LINGO1: variants seen among roughly 807,000 people sequenced by gnomAD.
LINGO1 encodes leucine rich repeat and Ig domain containing 1, also known as leucine-rich repeat and immunoglobulin-like domain-containing nogo receptor-interacting protein 1.
A neutral mutation model predicts 37.3 loss-of-function variants in LINGO1; 11 were observed. The ratio of observed to expected loss-of-function variants is 0.29; its 90% CI spans 0.19 to 0.49. The LOEUF (loss-of-function observed/expected upper bound fraction) is 0.49. LINGO1 is among the 20% of genes least tolerant of loss of function. The probability of loss-of-function intolerance (pLI) is 0.99; values close to 1 mark genes in which losing one functional copy is unlikely to be tolerated. For synonymous variants in LINGO1, 387 were observed against 403.0 expected, an observed-to-expected ratio of 0.96 and a Z score of 0.48; for missense variants, 585 against 878.2, an observed-to-expected ratio of 0.67 and a Z score of 4.22.
At chr15:77,778,921 C>A (rs1292083871) in intron 1 of LINGO1, among the ~76,000 whole-genome samples, 1 of 152,134 alleles carries the variant, frequency 6.6e-6, no homozygotes, top group African/African-American at 2.4e-5. Flanking sequence ...AAGTTCTGGA[C>A]CCATCTGCTC....
Position 77,679,601 on chromosome 15 carries a change from T to A in LINGO1, c.-98-2427A>T, listed in dbSNP as rs80033925. On this transcript the variant is annotated intron_variant, in intron 2 of 3. Coordinates refer to the LINGO1 transcript ENST00000559893. ...CATTTTACAGAAGAGAAAACTGACA[T>A]AGAGAGAGGCAACTAGCCCAAGGTC... 8.5e-4 allele frequency among the ~76,000 whole-genome samples: 129 copies of A among 152,264 alleles called. 2 individuals are homozygous for A. The East Asian group carries it at 0.02, about 24-fold the overall frequency.
At chr15:77,681,579 T>C (rs1162073439) in intron 2 of LINGO1, among the ~76,000 whole-genome samples, 1 of 152,234 alleles carries the variant, frequency 6.6e-6, no homozygotes, top group East Asian at 1.9e-4. Context: ...GAGGAGTCCC[T>C]GAATGCAACA....
upstream of LINGO1, among the ~76,000 whole-genome samples, chr15:77,636,148 G>C (rs1375409204): frequency 6.6e-6 from 1 of 152,252 alleles, no homozygotes; most frequent in Non-Finnish European, 1.5e-5. Context: ...TTAGAGCTGG[G>C]CTTTGAAGCT....
At chr15:77,663,270 G>A (rs910427777) in intron 3 of LINGO1, among the ~76,000 whole-genome samples, 2 of 150,998 alleles carry the variant, frequency 1.3e-5, no homozygotes, top group Non-Finnish European at 3.0e-5. Flanking sequence ...AGCGGCTTTG[G>A]TGTCTATCAG....
intron 2 of LINGO1, among the ~76,000 whole-genome samples, chr15:77,716,524 G>T (rs980577962): frequency 6.0e-5 from 9 of 149,584 alleles, no homozygotes; most frequent in African/African-American, 2.2e-4. Context: ...CGGAGTCCAA[G>T]ACACGTGCAG....
upstream of LINGO1, among the ~76,000 whole-genome samples, chr15:77,698,758 G>A (rs538905614): frequency 4.6e-5 from 7 of 152,346 alleles, no homozygotes; most frequent in East Asian, 1.4e-3. Flanking sequence ...AGGGCCATTA[G>A]GCCCAGCGGA....
At chr15:77,646,666 C>G (rs566830401) in intron 3 of LINGO1, among the ~76,000 whole-genome samples, 5 of 152,208 alleles carry the variant, frequency 3.3e-5, no homozygotes, top group African/African-American at 1.2e-4. Context: ...CCCAATTATT[C>G]GCTCATCTCC....
upstream of LINGO1, among the ~76,000 whole-genome samples, chr15:77,698,872 C>T (rs111572793): frequency 2.5e-3 from 383 of 152,256 alleles, 4 homozygotes; most frequent in African/African-American, 8.4e-3. Context: ...GGGAGACGTG[C>T]AGGCAGAGTC....
At chr15:77,659,472 T>A (rs2074940186) in intron 3 of LINGO1, among the ~76,000 whole-genome samples, 1 of 152,196 alleles carries the variant, frequency 6.6e-6, no homozygotes, top group African/African-American at 2.4e-5. Context: ...TCCCACTTTG[T>A]CACAGTGGAT....
At chr15:77,784,196 G>A (rs950397927) in intron 1 of LINGO1, among the ~76,000 whole-genome samples, 1 of 152,262 alleles carries the variant, frequency 6.6e-6, no homozygotes, top group South Asian at 2.1e-4. Flanking sequence ...GAGTTGGTTC[G>A]CATAGCAGAA....
chr15:77,792,336 G>C (rs1254208056), intron 2 of LINGO1, among the ~76,000 whole-genome samples: 1 of 152,156 alleles, frequency 6.6e-6, no homozygotes, highest in African/African-American at 2.4e-5. Context: ...ACTGATGCTG[G>C]GGTCTCCCAC....
At chr15:77,740,358 T>C (rs1040737271) in intron 1 of LINGO1, among the ~76,000 whole-genome samples, 15 of 152,264 alleles carry the variant, frequency 9.9e-5, no homozygotes, top group Non-Finnish European at 2.9e-5. Context: ...CCCAAATTAC[T>C]TACCTGGCAT....
chr15:77,714,374 A>G (rs1417500995), intron 2 of LINGO1, among the ~76,000 whole-genome samples: 2 of 152,022 alleles, frequency 1.3e-5, no homozygotes, highest in Non-Finnish European at 2.9e-5. Context: ...TCAGATTGTC[A>G]CCACCCTTGC....
chr15:77,646,454 C>T (rs1183160248), intron 3 of LINGO1: 1 of 455,934 alleles, frequency 2.2e-6, no homozygotes, highest in Non-Finnish European at 4.4e-6. Flanking sequence ...GGAGGAGACA[C>T]TGGTGTGACT....
chr15:77,639,854 T>G (rs961686145), intron 3 of LINGO1, among the ~76,000 whole-genome samples: 1 of 152,142 alleles, frequency 6.6e-6, no homozygotes, highest in African/African-American at 2.4e-5. Flanking sequence ...CTGTCACCTC[T>G]AGGGAGAGAG....
At chr15:77,738,576 G>A (rs529430857) in intron 1 of LINGO1, among the ~76,000 whole-genome samples, 5 of 152,088 alleles carry the variant, frequency 3.3e-5, no homozygotes, top group South Asian at 2.1e-4. Context: ...CATTTCCTCC[G>A]CCTGACATTA....
At chr15:77,644,734 C>T (rs546240684) in intron 3 of LINGO1, among the ~76,000 whole-genome samples, 1 of 152,302 alleles carries the variant, frequency 6.6e-6, no homozygotes, top group South Asian at 2.1e-4. Context: ...ACAGAAGTGG[C>T]TGCTGTGCCC....
intron 1 of LINGO1, among the ~76,000 whole-genome samples, chr15:77,758,811 G>A (rs550459880): frequency 1.3e-5 from 2 of 152,138 alleles, no homozygotes; most frequent in African/African-American, 4.8e-5. Context: ...TTGGCACAGA[G>A]GAAGAACTGT....
intron 1 of LINGO1, among the ~76,000 whole-genome samples, chr15:77,753,722 G>A (rs915256546): frequency 1.4e-4 from 22 of 152,236 alleles, no homozygotes; most frequent in African/African-American, 5.3e-4. Flanking sequence ...CGGTCTGAGG[G>A]AGGAGAGGGC....
Sources: gnomAD v4.1 joint callset for allele counts (sites outside exome capture counted in the v4.1 genomes callset) on GRCh38, gnomAD v4.1.1 for gene constraint, MANE v1.5 for transcripts, NCBI Gene and HGNC (gene_info 2026-07-23, HGNC 2026-07-21) for gene names.